RYR2: variants seen among roughly 807,000 people sequenced by gnomAD.
RYR2 encodes cardiac muscle ryanodine receptor-calcium release channel.
In RYR2, 227 loss-of-function variants were observed where a neutral mutation model predicts 601.1. The ratio of observed to expected loss-of-function variants is 0.38; its 90% CI spans 0.34 to 0.42. The LOEUF is 0.42. Ranked by LOEUF, RYR2 falls within the 10% of genes least tolerant of loss-of-function variation. The probability of loss-of-function intolerance (pLI) is 1.00; values close to 1 mark genes in which losing one functional copy is unlikely to be tolerated. For synonymous variants in RYR2, 2,223 were observed against 2,175.1 expected, an observed-to-expected ratio of 1.02 and a Z score of -0.61; for missense variants, 4,646 against 6,156.5, an observed-to-expected ratio of 0.75 and a Z score of 8.21.
intron 2 of RYR2, among the ~76,000 whole-genome samples, chr1:237,271,973 TACAAA>T (rs1037323072): frequency 4.6e-5 from 7 of 151,934 alleles, no homozygotes; most frequent in African/African-American, 9.7e-5. Context: ...CTATTAAAAA[TACAAA>T]AATTAGCTGG....
chr1:237,278,117 C>T (rs1455633967), intron 2 of RYR2, among the ~76,000 whole-genome samples: 1 of 151,806 alleles, frequency 6.6e-6, no homozygotes, highest in Admixed American at 6.6e-5. Flanking sequence ...TTTGCCCAGG[C>T]TAGAGTGAAG....
chr1:237,579,248 C>CTTTTT (rs546960253), intron 29 of RYR2, among the ~76,000 whole-genome samples: 2 of 68,102 alleles, frequency 2.9e-5, no homozygotes, highest in Non-Finnish European at 3.0e-5. Context: ...TCTTCTTCTT[C>CTTTTT]TTTTTTTTTT....
intron 1 of RYR2, among the ~76,000 whole-genome samples, chr1:237,193,165 T>TAAAAAAA (rs1553337429): frequency 3.6e-4 from 1 of 2,750 alleles, no homozygotes; most frequent in Non-Finnish European, 1.6e-3. Flanking sequence ...CTGCTAAAAG[T>TAAAAAAA]ACAAAAAAAA....
At chr1:237,332,371 G>A (rs149594652) in intron 3 of RYR2, among the ~76,000 whole-genome samples, 1 of 152,066 alleles carries the variant, frequency 6.6e-6, no homozygotes, top group Non-Finnish European at 1.5e-5. Context: ...TTTTACAAAA[G>A]CTTAGTATTT....
intron 41 of RYR2, 96 bp from the exon 42 acceptor site, chr1:237,631,331 C>G (rs1680226256): frequency 6.7e-6 from 5 of 750,192 alleles, no homozygotes; most frequent in Non-Finnish European, 1.1e-5. Context: ...TACTTTTCAA[C>G]TCACATAAAT....
At chr1:237,821,252 C>T (rs764675740) in intron 101 of RYR2, among the ~76,000 whole-genome samples, 49 of 152,054 alleles carry the variant, frequency 3.2e-4, no homozygotes, top group Non-Finnish European at 1.6e-4. Flanking sequence ...CAGTAGGGGC[C>T]GACAGACACC....
chr1:237,807,551 C>A (rs1475291446), intron 99 of RYR2, among the ~76,000 whole-genome samples: 1 of 152,112 alleles, frequency 6.6e-6, no homozygotes, highest in Non-Finnish European at 1.5e-5. Context: ...GGGGTTTCAC[C>A]ATGTTGGCCA....
At chr1:237,474,222 G>GGT (rs150747532) in intron 17 of RYR2, among the ~76,000 whole-genome samples, 42,168 of 113,370 alleles carry the variant, frequency 0.37, 9,444 homozygotes, top group East Asian at 0.59. Flanking sequence ...TGTGTGTGTA[G>GGT]ATCTATACAT....
At chr1:237,638,702 A>G (rs1450380620) in intron 45 of RYR2, among the ~76,000 whole-genome samples, 1 of 152,200 alleles carries the variant, frequency 6.6e-6, no homozygotes, top group African/African-American at 2.4e-5. Context: ...TTAGGCATCT[A>G]AGTTCTCCTA....
chr1:237,831,628 C>CA, intron 104 of RYR2, 63 bp downstream of exon 104: 1 of 969,070 alleles, frequency 1.0e-6, no homozygotes, highest in Admixed American at 2.0e-5. Context: ...AATATCAGAA[C>CA]AAAATGTGTG....
intron 27 of RYR2, among the ~76,000 whole-genome samples, chr1:237,556,880 CAAAAAAAAAA>C (rs869116177): frequency 0.53 from 41,319 of 77,934 alleles, 8,390 homozygotes; most frequent in East Asian, 0.61. Flanking sequence ...TCCCTCCCAC[CAAAAAAAAAA>C]AAAAAAAAAA....
intron 1 of RYR2, among the ~76,000 whole-genome samples, chr1:237,049,686 T>C (rs1489799336): frequency 6.6e-6 from 1 of 152,120 alleles, no homozygotes; most frequent in African/African-American, 2.4e-5. Context: ...GGATTCTTGA[T>C]GATGGGTGGT....
intron 12 of RYR2, among the ~76,000 whole-genome samples, chr1:237,440,771 T>A (rs1197213927): frequency 4.6e-5 from 7 of 152,144 alleles, no homozygotes; most frequent in Admixed American, 1.3e-4. Context: ...TGTCAAAAAA[T>A]TTTGAAGTGT....
intron 1 of RYR2, among the ~76,000 whole-genome samples, chr1:237,235,506 A>G (rs1449496943): frequency 1.3e-5 from 2 of 152,204 alleles, no homozygotes; most frequent in South Asian, 2.1e-4. Flanking sequence ...TATTAGCCTC[A>G]GTTAATCTGA....
intron 24 of RYR2, among the ~76,000 whole-genome samples, chr1:237,520,635 T>C (rs1242194932): frequency 1.3e-5 from 2 of 152,198 alleles, no homozygotes. Flanking sequence ...GAACCATCCT[T>C]GTGTCCCTGA....
At chr1:237,138,315 G>A (rs1673019414) in intron 1 of RYR2, among the ~76,000 whole-genome samples, 1 of 152,158 alleles carries the variant, frequency 6.6e-6, no homozygotes, top group Non-Finnish European at 1.5e-5. Context: ...TTACAGGCGT[G>A]AGCCACCATG....
Position 237,503,396 on chromosome 1 carries a change from A to T in RYR2, c.2504A>T (p.Glu835Val). Residue 835 changes from glutamate to valine, a missense_variant, in exon 22 of 105, where the codon GAA becomes GTA. Glu to Val is a moderately radical substitution (Grantham distance 121, BLOSUM62 -2). Around this residue, in one of 17 missense-constraint regions of RYR2, gnomAD observed 1,807 missense variants for 2,088.1 expected, o/e 0.87. Coordinates refer to ENST00000366574, the MANE Select transcript of RYR2 (RefSeq NM_001035.3). ...CTGCCAAAAGAAAAGTTGAAAGTGG[A>T]ACACAGCCGAGAGTACAAGCAAGAA... is the stretch of plus-strand genomic sequence containing the variant. ...AVLPKEKLKV[E>V]HSREYKQERT... is the part of the protein sequence containing the mutation. The T allele has an allele frequency of 6.2e-7, 1 of 1,613,926 alleles. No homozygotes were observed. The highest frequency in any genetic ancestry group is 8.5e-7 in the Non-Finnish European group (1 of 1,179,902).
intron 11 of RYR2, among the ~76,000 whole-genome samples, chr1:237,420,162 T>A (rs1157876795): frequency 6.6e-6 from 1 of 152,166 alleles, no homozygotes; most frequent in Non-Finnish European, 1.5e-5. Flanking sequence ...ATAAATGGTT[T>A]TAATGTAGGG....
chr1:237,430,535 C>G (rs565563588), intron 12 of RYR2, among the ~76,000 whole-genome samples: 7 of 151,992 alleles, frequency 4.6e-5, no homozygotes, highest in Non-Finnish European at 1.0e-4. Flanking sequence ...TTAGAAAGAT[C>G]AAAATGGAAG....
Sources: gnomAD v4.1 joint callset for allele counts (sites outside exome capture counted in the v4.1 genomes callset) on GRCh38, gnomAD v4.1.1 for gene constraint, gnomAD v4.1.1 regional missense constraint, MANE v1.5 for transcripts, NCBI Gene and HGNC (gene_info 2026-07-23, HGNC 2026-07-21) for gene names.